Variants in CDK14 observed in about 807,000 individuals in gnomAD.
CDK14 encodes cyclin-dependent kinase 14.
CDK14 carries 34 observed loss-of-function variants against 60.7 expected under a neutral mutation model. The observed-to-expected ratio is 0.56, with a 90% CI of 0.43 to 0.75. The LOEUF (loss-of-function observed/expected upper bound fraction) is 0.75. Ranked by LOEUF, CDK14 falls within the 30% of genes least tolerant of loss-of-function variation. The pLI, the probability that CDK14 is intolerant of heterozygous loss-of-function variation, is 0.00. For missense variants in CDK14, 482 were observed against 564.1 expected (o/e 0.85, Z 1.47); for synonymous variants, 197 against 203.7 (o/e 0.97, Z 0.28).
At chr7:90,639,568 G>A (rs1014647102) in intron 2 of CDK14, among the ~76,000 whole-genome samples, 2 of 151,832 alleles carry the variant, frequency 1.3e-5, no homozygotes, top group South Asian at 4.2e-4. Context: ...TAGGCTGCTC[G>A]GGGGTCAGGG....
chr7:90,890,519 T>G (rs1792084097), intron 6 of CDK14, among the ~76,000 whole-genome samples: 1 of 152,360 alleles, frequency 6.6e-6, no homozygotes, highest in Non-Finnish European at 1.5e-5. Flanking sequence ...TAAACTTTCC[T>G]TTCCCTTTTT....
chr7:91,127,136 G>A (rs1346344867), intron 14 of CDK14, among the ~76,000 whole-genome samples: 1 of 152,148 alleles, frequency 6.6e-6, no homozygotes, highest in Non-Finnish European at 1.5e-5. Context: ...AAATGATTGT[G>A]AAGTGGAATT....
At chr7:90,994,914 A>C (rs1365737328) in intron 10 of CDK14, among the ~76,000 whole-genome samples, 1 of 152,178 alleles carries the variant, frequency 6.6e-6, no homozygotes, top group Non-Finnish European at 1.5e-5. Context: ...CATAATTCCC[A>C]TTCTGCCTTT....
At chr7:90,813,014 G>A (rs1259273653) in intron 5 of CDK14, among the ~76,000 whole-genome samples, 1 of 152,184 alleles carries the variant, frequency 6.6e-6, no homozygotes, top group Non-Finnish European at 1.5e-5. Flanking sequence ...CTGGAAACAA[G>A]TTAAATGTCC....
intron 10 of CDK14, among the ~76,000 whole-genome samples, chr7:91,023,380 C>G (rs182605396): frequency 6.6e-6 from 1 of 152,042 alleles, no homozygotes; most frequent in Non-Finnish European, 1.5e-5. Context: ...TGTTATCACT[C>G]GGAAGATTTT....
At chr7:91,032,327 A>G in intron 10 of CDK14, among the ~76,000 whole-genome samples, 1 of 152,198 alleles carries the variant, frequency 6.6e-6, no homozygotes, top group South Asian at 2.1e-4. Context: ...TCATTTACAA[A>G]TAATATCTTG....
At chr7:91,137,231 C>T (rs746577039) in intron 14 of CDK14, among the ~76,000 whole-genome samples, 2 of 152,168 alleles carry the variant, frequency 1.3e-5, no homozygotes, top group Admixed American at 6.5e-5. Context: ...CTTTCTCCAG[C>T]TTTGCATTTT....
At chr7:91,058,339 A>G (rs982399786) in intron 11 of CDK14, among the ~76,000 whole-genome samples, 1 of 152,190 alleles carries the variant, frequency 6.6e-6, no homozygotes, top group African/African-American at 2.4e-5. Context: ...ATATACAATC[A>G]TGTCATCTGC....
intron 5 of CDK14, among the ~76,000 whole-genome samples, chr7:90,792,179 C>T (rs935582253): frequency 3.4e-5 from 5 of 148,744 alleles, no homozygotes; most frequent in South Asian, 2.1e-4. Flanking sequence ...GGATTACAGG[C>T]GTGAGCCACT....
chr7:91,002,822 C>T (rs1030269110), intron 10 of CDK14, among the ~76,000 whole-genome samples: 1 of 152,206 alleles, frequency 6.6e-6, no homozygotes, highest in South Asian at 2.1e-4. Flanking sequence ...AGCTGTAATT[C>T]AGCACTTTGG....
At position 90,790,615 on chromosome 7, in the gene CDK14, GGAA is replaced by G. The variant is rs773042961; in HGVS notation, c.515_517del (p.Glu172del). On this transcript the variant is annotated inframe_deletion, in exon 5 of 15. Coordinates refer to ENST00000380050, the MANE Select transcript of CDK14 (RefSeq NM_001287135.2). Reference sequence around the variant, plus strand: ...TAGCTCTGAAGGTGATCAGGCTGCAGGAAGAAGAAGGGACACCTTTCACAGCTA... The same window carrying G: ...TAGCTCTGAAGGTGATCAGGCTGCAGGAAGAAGGGACACCTTTCACAGCTA... 3 of 1,612,748 alleles carry G rather than the reference GGAA, an allele frequency of 1.9e-6. No individual in the cohort carries two copies. Among genetic ancestry groups the G allele is most frequent in the Admixed American group, 1.7e-5 (1 of 59,886 alleles).
At chr7:90,742,879 G>A (rs1253565911) in intron 3 of CDK14, among the ~76,000 whole-genome samples, 5 of 151,726 alleles carry the variant, frequency 3.3e-5, no homozygotes, top group African/African-American at 1.2e-4. Flanking sequence ...ATCCCCTATC[G>A]GAAATGCTTG....
intron 2 of CDK14, among the ~76,000 whole-genome samples, chr7:90,675,152 C>T (rs922973642): frequency 1.3e-5 from 2 of 152,196 alleles, no homozygotes; most frequent in Admixed American, 6.5e-5. Context: ...TGGAATTTTG[C>T]CCACTCAACC....
intron 10 of CDK14, among the ~76,000 whole-genome samples, chr7:90,993,745 A>G (rs755702706): frequency 3.3e-5 from 5 of 152,190 alleles, no homozygotes; most frequent in Non-Finnish European, 7.3e-5. Context: ...TGCTGACTAG[A>G]TTTTTAATCT....
At position 90,954,921 on chromosome 7, in the gene CDK14, G is replaced by T. The variant is rs531925161; in HGVS notation, c.827-776G>T. ...ATTACAGGCGTGAGCCACCGCGCCC[G>T]GCCCTTTTTTTTTTTTAGAGGGAAA... On this transcript the variant is annotated intron_variant, in intron 8 of 14. Coordinates refer to ENST00000380050, the MANE Select transcript of CDK14 (RefSeq NM_001287135.2). Among the ~76,000 whole-genome samples, 2 of 2,430 alleles carry T rather than the reference G, an allele frequency of 8.2e-4. 1 individual carries two copies. Among genetic ancestry groups the T allele is most frequent in the Non-Finnish European group, 0.01 (2 of 194 alleles). 1.6% of individuals were successfully genotyped at this position (2,430 alleles called of 152,430 possible). A position where few individuals can be genotyped will look rare whatever the true frequency, so the allele number is the denominator to read the frequency against.
chr7:90,750,513 A>C (rs1286695524), intron 4 of CDK14, among the ~76,000 whole-genome samples: 2 of 152,252 alleles, frequency 1.3e-5, no homozygotes, highest in African/African-American at 2.4e-5. Context: ...ATGAAGAAGG[A>C]GATATAACAT....
At chr7:91,183,269 T>TA (rs1802061924) in intron 14 of CDK14, among the ~76,000 whole-genome samples, 1 of 152,212 alleles carries the variant, frequency 6.6e-6, no homozygotes, top group African/African-American at 2.4e-5. Context: ...AGACATACTT[T>TA]ACTACACAGT....
intron 14 of CDK14, among the ~76,000 whole-genome samples, chr7:91,156,034 T>G (rs1013335158): frequency 1.3e-5 from 2 of 152,186 alleles, no homozygotes; most frequent in African/African-American, 4.8e-5. Context: ...CCAGTTGATT[T>G]CCCATAATCA....
At chr7:90,948,346 T>C (rs11768760) in intron 8 of CDK14, among the ~76,000 whole-genome samples, 34,730 of 152,164 alleles carry the variant, frequency 0.23, 4,242 homozygotes, top group Middle Eastern at 0.31. Context: ...TTGAAAATGA[T>C]TTTGCATTCT....
Sources: gnomAD v4.1 joint callset for allele counts (sites outside exome capture counted in the v4.1 genomes callset) on GRCh38, gnomAD v4.1.1 for gene constraint, MANE v1.5 for transcripts, NCBI Gene and HGNC (gene_info 2026-07-23, HGNC 2026-07-21) for gene names.